LCLAT1: variants seen among roughly 807,000 people sequenced by gnomAD.
LCLAT1 encodes 1-AGP acyltransferase 8.
LCLAT1 carries 11 observed loss-of-function variants against 30.7 expected under a neutral mutation model. The observed-to-expected ratio is 0.36, with a 90% confidence interval of 0.23 to 0.59. The LOEUF (loss-of-function observed/expected upper bound fraction) is 0.59, where lower values mean the gene tolerates loss of function less well. Ranked by LOEUF, LCLAT1 falls within the 20% of genes least tolerant of loss-of-function variation. The probability of loss-of-function intolerance (pLI) is 0.77; values close to 1 mark genes in which losing one functional copy is unlikely to be tolerated. For missense variants in LCLAT1, 402 were observed against 458.6 expected, an observed-to-expected ratio of 0.88 and a Z score of 1.13; for synonymous variants, 155 against 151.3, an observed-to-expected ratio of 1.02 and a Z score of -0.18.
chr2:30,573,829 C>A (rs1665884888), intron 5 of LCLAT1, among the ~76,000 whole-genome samples: 1 of 152,096 alleles, frequency 6.6e-6, no homozygotes, highest in Non-Finnish European at 1.5e-5. Flanking sequence ...ATAATAGATA[C>A]CCTTCAAATT....
chr2:30,459,442 T>C, intron 1 of LCLAT1: 1 of 643,638 alleles, frequency 1.6e-6, no homozygotes. Flanking sequence ...CTCAGATGTT[T>C]CAGGTCCCTG....
chr2:30,640,045 T>A, intron 5 of LCLAT1, 72 bp from the exon 6 acceptor site: 1 of 1,252,888 alleles, frequency 8.0e-7, no homozygotes, highest in Admixed American at 2.0e-5. Context: ...GGTGCTGCCC[T>A]GCAGTGTGAA....
At chr2:30,598,187 G>A (rs904170594) in intron 5 of LCLAT1, among the ~76,000 whole-genome samples, 2 of 151,894 alleles carry the variant, frequency 1.3e-5, no homozygotes, top group African/African-American at 4.8e-5. Flanking sequence ...CCTCCTTTTC[G>A]TTTGTTTGGA....
chr2:30,498,331 TG>T (rs1684214735), intron 1 of LCLAT1, among the ~76,000 whole-genome samples: 1 of 152,194 alleles, frequency 6.6e-6, no homozygotes, highest in Admixed American at 6.5e-5. Flanking sequence ...GACCTTGGCC[TG>T]GGACCAATCA....
intron 5 of LCLAT1, among the ~76,000 whole-genome samples, chr2:30,636,718 AGAAG>A (rs1669045787): frequency 6.6e-6 from 1 of 152,236 alleles, no homozygotes; most frequent in South Asian, 2.1e-4. Flanking sequence ...ATCATCAAGA[AGAAG>A]GAAGAAAGAA....
intron 5 of LCLAT1, among the ~76,000 whole-genome samples, chr2:30,586,976 A>C (rs895904565): frequency 2.0e-5 from 3 of 152,216 alleles, no homozygotes; most frequent in African/African-American, 7.2e-5. Flanking sequence ...ATGAACTGTC[A>C]TCACACCCTT....
At chr2:30,464,487 AAAGT>A (rs1312640098) in intron 1 of LCLAT1, among the ~76,000 whole-genome samples, 1 of 152,190 alleles carries the variant, frequency 6.6e-6, no homozygotes, top group Admixed American at 6.5e-5. Context: ...CCAACTCTAT[AAAGT>A]ATGTTGGGGC....
At chr2:30,525,220 A>G (rs1685651481) in intron 1 of LCLAT1, among the ~76,000 whole-genome samples, 1 of 152,052 alleles carries the variant, frequency 6.6e-6, no homozygotes, top group Admixed American at 6.5e-5. Flanking sequence ...CTGGGATTAC[A>G]GGCACACTAC....
chr2:30,613,263 G>A (rs1667826786), intron 5 of LCLAT1, among the ~76,000 whole-genome samples: 1 of 152,098 alleles, frequency 6.6e-6, no homozygotes, highest in Non-Finnish European at 1.5e-5. Context: ...AGGGGTGAAG[G>A]GGGAGGGGTT....
chr2:30,581,422 G>T (rs1300868009), intron 5 of LCLAT1, among the ~76,000 whole-genome samples: 1 of 152,114 alleles, frequency 6.6e-6, no homozygotes, highest in African/African-American at 2.4e-5. Flanking sequence ...TGGGTGATTA[G>T]GAAATTAGTA....
chr2:30,463,722 T>C (rs1204727578), intron 1 of LCLAT1, among the ~76,000 whole-genome samples: 1 of 152,220 alleles, frequency 6.6e-6, no homozygotes, highest in Non-Finnish European at 1.5e-5. Flanking sequence ...TGATGTCATT[T>C]TATATAAGGA....
At chr2:30,518,407 A>C (rs758810272) in intron 1 of LCLAT1, among the ~76,000 whole-genome samples, 4 of 152,184 alleles carry the variant, frequency 2.6e-5, no homozygotes, top group Non-Finnish European at 4.4e-5. Flanking sequence ...TTGTCTAATA[A>C]TTGGTCTGCT....
At chr2:30,549,565 TAATC>T (rs1664588077) in intron 3 of LCLAT1, among the ~76,000 whole-genome samples, 1 of 152,206 alleles carries the variant, frequency 6.6e-6, no homozygotes, top group Non-Finnish European at 1.5e-5. Context: ...AATCACATAA[TAATC>T]AGTTTTGAAC....
chr2:30,523,635 T>A (rs745533860), intron 1 of LCLAT1, among the ~76,000 whole-genome samples: 1 of 152,190 alleles, frequency 6.6e-6, no homozygotes, highest in East Asian at 1.9e-4. Context: ...TTTGGGAGGC[T>A]GAGGCGAGCA....
intron 5 of LCLAT1, among the ~76,000 whole-genome samples, chr2:30,581,559 A>G (rs1455759841): frequency 6.6e-6 from 1 of 151,958 alleles, no homozygotes; most frequent in Non-Finnish European, 1.5e-5. Context: ...AAGTATATAC[A>G]ATGGCGTTCT....
chr2:30,526,505 A>G (rs749500044), intron 2 of LCLAT1, among the ~76,000 whole-genome samples: 1 of 152,002 alleles, frequency 6.6e-6, no homozygotes, highest in Non-Finnish European at 1.5e-5. Context: ...TTTCTCATCT[A>G]TTTATTAATT....
chr2:30,634,383 T>C (rs79319224), intron 5 of LCLAT1, among the ~76,000 whole-genome samples: 10,890 of 152,210 alleles, frequency 0.072, 651 homozygotes, highest in African/African-American at 0.16. Flanking sequence ...CCCAACACTT[T>C]GGGAGGCCGA....
intron 3 of LCLAT1, among the ~76,000 whole-genome samples, chr2:30,533,933 C>G (rs1686102276): frequency 6.6e-6 from 1 of 152,130 alleles, no homozygotes; most frequent in Non-Finnish European, 1.5e-5. Flanking sequence ...CCTTTCTCAA[C>G]TTGCTACTTA....
At chr2:30,568,679 T>C (rs562567489) in intron 5 of LCLAT1, among the ~76,000 whole-genome samples, 2 of 150,938 alleles carry the variant, frequency 1.3e-5, no homozygotes, top group Admixed American at 1.3e-4. Context: ...AGCTAATTTT[T>C]TGTATTTTCA....
Sources: gnomAD v4.1 joint callset for allele counts (sites outside exome capture counted in the v4.1 genomes callset) on GRCh38, gnomAD v4.1.1 for gene constraint, MANE v1.5 for transcripts, NCBI Gene and HGNC (gene_info 2026-07-23, HGNC 2026-07-21) for gene names.